CAST: variants seen among roughly 807,000 people sequenced by gnomAD.
The protein encoded by CAST is MIR583 host.
Under a neutral mutation model 119.6 loss-of-function variants are expected in CAST, and 76 were observed. The ratio of observed to expected loss-of-function variants is 0.64; its 90% CI spans 0.53 to 0.77. The LOEUF is 0.77. Among genes scored for constraint, CAST ranks in the 30% least tolerant of loss-of-function variants. CAST has a pLI of 0.00. For missense variants in CAST, 953 were observed against 946.5 expected, an observed-to-expected ratio of 1.01 and a Z score of -0.09; for synonymous variants, 319 against 331.6, an observed-to-expected ratio of 0.96 and a Z score of 0.41.
the CAST span, among the ~76,000 whole-genome samples, chr5:96,362,776 C>A: frequency 6.6e-6 from 1 of 152,100 alleles, no homozygotes; most frequent in African/African-American, 2.4e-5. Context: ...GTCTCCCATT[C>A]TGTAGGTTGC....
the CAST span, among the ~76,000 whole-genome samples, chr5:96,188,580 C>G: frequency 6.6e-6 from 1 of 152,104 alleles, no homozygotes; most frequent in Non-Finnish European, 1.5e-5. Flanking sequence ...TTAGATATAT[C>G]TGTTGAGTGA....
At chr5:96,112,068 C>A in the CAST span, among the ~76,000 whole-genome samples, 2 of 150,980 alleles carry the variant, frequency 1.3e-5, no homozygotes, top group Admixed American at 6.6e-5. Context: ...ATAAAAGCTT[C>A]TTTTATACAA....
the CAST span, among the ~76,000 whole-genome samples, chr5:96,479,424 G>A: frequency 6.6e-6 from 1 of 151,032 alleles, no homozygotes. Flanking sequence ...AATATCTAGT[G>A]AGTAACTACC....
chr5:96,703,710 C>A (rs1046529889), intron 3 of CAST, among the ~76,000 whole-genome samples: 2 of 152,120 alleles, frequency 1.3e-5, no homozygotes, highest in African/African-American at 4.8e-5. Context: ...TTCTAGGAAA[C>A]CACCTATGCA....
chr5:96,049,546 G>A, the CAST span, among the ~76,000 whole-genome samples: 16 of 152,194 alleles, frequency 1.1e-4, no homozygotes, highest in Non-Finnish European at 2.1e-4. Flanking sequence ...CAGGGAGGCA[G>A]GGTGAGGGAG....
At chr5:96,105,946 T>G in the CAST span, among the ~76,000 whole-genome samples, 1 of 152,242 alleles carries the variant, frequency 6.6e-6, no homozygotes, top group African/African-American at 2.4e-5. Flanking sequence ...ATTCAACTTC[T>G]TCCTGGTTTA....
chr5:96,505,930 C>T, the CAST span, among the ~76,000 whole-genome samples: 2 of 152,144 alleles, frequency 1.3e-5, no homozygotes, highest in East Asian at 3.8e-4. Flanking sequence ...ATTCTAGATC[C>T]CTGGGATCAG....
intron 1 of CAST, among the ~76,000 whole-genome samples, chr5:96,538,568 A>C (rs1294420790): frequency 6.6e-6 from 1 of 152,170 alleles, no homozygotes; most frequent in African/African-American, 2.4e-5. Flanking sequence ...TGAATTTCTG[A>C]ATTGATAATA....
chr5:96,399,851 A>C, the CAST span: 1 of 869,724 alleles, frequency 1.1e-6, no homozygotes, highest in Admixed American at 2.0e-5. Flanking sequence ...ACCTCCATCT[A>C]CTTCAGAAGG....
chr5:96,144,902 C>G, the CAST span, among the ~76,000 whole-genome samples: 1 of 151,884 alleles, frequency 6.6e-6, no homozygotes, highest in African/African-American at 2.4e-5. Flanking sequence ...TTTTATATAC[C>G]GAACACTTTG....
the CAST span, among the ~76,000 whole-genome samples, chr5:96,374,517 T>C: frequency 6.6e-6 from 1 of 152,220 alleles, no homozygotes; most frequent in African/African-American, 2.4e-5. Context: ...AGGAGAATAC[T>C]GTACTATGCA....
intron 1 of CAST, among the ~76,000 whole-genome samples, chr5:96,607,727 G>C (rs1472772980): frequency 6.6e-6 from 1 of 151,096 alleles, no homozygotes; most frequent in Non-Finnish European, 1.5e-5. Flanking sequence ...GTCTGGCCAC[G>C]ATGCTCTTCA....
At chr5:96,660,976 T>C (rs149471393), upstream of CAST, among the ~76,000 whole-genome samples, 54 of 151,656 alleles carry the variant, frequency 3.6e-4, no homozygotes, top group African/African-American at 1.3e-3. Context: ...AATCCTCTTC[T>C]CCCCGCATCC....
chr5:96,358,696 C>T, the CAST span, among the ~76,000 whole-genome samples: 3 of 152,102 alleles, frequency 2.0e-5, no homozygotes, highest in African/African-American at 7.2e-5. Flanking sequence ...GTCTAAGACA[C>T]TGTTTGTTAT....
At chr5:96,558,109 G>T (rs1746280911) in intron 1 of CAST, among the ~76,000 whole-genome samples, 1 of 152,052 alleles carries the variant, frequency 6.6e-6, no homozygotes, top group Non-Finnish European at 1.5e-5. Flanking sequence ...ATGACTACTG[G>T]GTACATAACG....
chr5:96,522,887 G>GGAGA, upstream of CAST, among the ~76,000 whole-genome samples: 1 of 152,336 alleles, frequency 6.6e-6, no homozygotes, highest in Admixed American at 6.5e-5. Flanking sequence ...CTAAGTAAAG[G>GGAGA]GAGAGTCGGG....
At chr5:96,202,315 C>A in the CAST span, among the ~76,000 whole-genome samples, 1 of 152,052 alleles carries the variant, frequency 6.6e-6, no homozygotes, top group South Asian at 2.1e-4. Flanking sequence ...ATCCCAGTAG[C>A]ATTTTGGAAT....
At chr5:96,007,201 C>A in the CAST span, among the ~76,000 whole-genome samples, 1 of 152,026 alleles carries the variant, frequency 6.6e-6, no homozygotes, top group Non-Finnish European at 1.5e-5. Flanking sequence ...TGAATAGTAC[C>A]CTTTGAGATT....
chr5:96,501,653 A>G, the CAST span, among the ~76,000 whole-genome samples: 2 of 152,236 alleles, frequency 1.3e-5, no homozygotes, highest in African/African-American at 4.8e-5. Context: ...AGAGATAAGT[A>G]ATGCAATGAA....
Sources: allele counts gnomAD v4.1 joint callset (sites outside exome capture counted in the v4.1 genomes callset), GRCh38; gene constraint gnomAD v4.1.1; transcripts MANE v1.5; gene names NCBI Gene and HGNC (gene_info 2026-07-23, HGNC 2026-07-21).